IFT57: variants seen among roughly 807,000 people sequenced by gnomAD.
IFT57 encodes the protein intraflagellar transport protein 57 homolog.
A neutral mutation model predicts 56.8 loss-of-function variants in IFT57; 59 were observed. That is an observed-to-expected ratio of 1.04 (90% confidence interval 0.84 to 1.29). The LOEUF is 1.29. IFT57 is among the 50% of genes most tolerant of loss of function. The pLI, the probability that IFT57 is intolerant of heterozygous loss-of-function variation, is 0.00. For missense variants in IFT57, 470 were observed against 522.1 expected, an observed-to-expected ratio of 0.90 and a Z score of 0.97; for synonymous variants, 209 against 186.1, an observed-to-expected ratio of 1.12 and a Z score of -1.00.
At chr3:108,166,411 T>C (rs1207854470) in intron 8 of IFT57, among the ~76,000 whole-genome samples, 1 of 152,116 alleles carries the variant, frequency 6.6e-6, no homozygotes, top group African/African-American at 2.4e-5. Context: ...TGTCTCTGAA[T>C]GTATCTTGCT....
chr3:108,181,891 C>T (rs773908205), intron 6 of IFT57, among the ~76,000 whole-genome samples: 17 of 151,934 alleles, frequency 1.1e-4, no homozygotes, highest in Non-Finnish European at 1.9e-4. Context: ...CTTTAAATTA[C>T]GTGAATATTT....
At chr3:108,169,499 A>G (rs1577047100) in intron 6 of IFT57, among the ~76,000 whole-genome samples, 2 of 151,956 alleles carry the variant, frequency 1.3e-5, no homozygotes, top group African/African-American at 4.8e-5. Context: ...ATTAGAGGCC[A>G]TTTGTCAATT....
chr3:108,209,061 A>G (rs2080328983), intron 4 of IFT57, among the ~76,000 whole-genome samples: 1 of 152,230 alleles, frequency 6.6e-6, no homozygotes, highest in South Asian at 2.1e-4. Flanking sequence ...GGCAAGGGGA[A>G]TACAGAATAG....
At chr3:108,171,713 T>C (rs968604966) in intron 6 of IFT57, among the ~76,000 whole-genome samples, 1 of 151,738 alleles carries the variant, frequency 6.6e-6, no homozygotes, top group Non-Finnish European at 1.5e-5. Flanking sequence ...TGGTTGAGCC[T>C]CAAAATGGAA....
At position 108,161,713 on chromosome 3, in the gene IFT57, T is replaced by C. The variant is rs903462002; in HGVS notation, c.*764A>G. 7 of 152,120 alleles carry C rather than the reference T, an allele frequency of 4.6e-5. No individual in the cohort carries two copies. Among genetic ancestry groups the C allele is most frequent in the East Asian group, 1.9e-4 (1 of 5,190 alleles). 9.4% of individuals were successfully genotyped at this position (152,120 alleles called of 1,614,324 possible). A position where few individuals can be genotyped will look rare whatever the true frequency, so the allele number is the denominator to read the frequency against. On this transcript the variant is annotated 3_prime_UTR_variant, in exon 11 of 11. Transcript: ENST00000264538. ...CATCAGTACTAGAGGCTGATCTTCATGCGACCTGTCATCGTTCCTTCTTCT... is the reference window on the plus strand; with the variant it reads ...CATCAGTACTAGAGGCTGATCTTCACGCGACCTGTCATCGTTCCTTCTTCT...
intron 5 of IFT57, among the ~76,000 whole-genome samples, chr3:108,197,728 T>C (rs2080251243): frequency 6.6e-6 from 1 of 152,168 alleles, no homozygotes; most frequent in African/African-American, 2.4e-5. Flanking sequence ...AAAAGGGAAC[T>C]AAGTTGTCTT....
chr3:108,173,997 AGTGTGTGTGTGTGT>A (rs34537693), intron 6 of IFT57, among the ~76,000 whole-genome samples: 41 of 100,758 alleles, frequency 4.1e-4, no homozygotes, highest in South Asian at 1.6e-3. Flanking sequence ...CATATATTTG[AGTGTGTGTGTGTGT>A]GTGTGTGTGT....
chr3:108,205,910 TAA>T (rs1405266569), intron 5 of IFT57, among the ~76,000 whole-genome samples: 1 of 128,302 alleles, frequency 7.8e-6, no homozygotes, highest in Non-Finnish European at 1.6e-5. Flanking sequence ...AATTATATAT[TAA>T]TATATATTAT....
At chr3:108,187,952 T>A (rs111355739) in intron 6 of IFT57, among the ~76,000 whole-genome samples, 13,366 of 151,724 alleles carry the variant, frequency 0.088, 618 homozygotes, top group Middle Eastern at 0.12. Flanking sequence ...GTTTTTTTTT[T>A]TTATACTTTA....
intron 6 of IFT57, among the ~76,000 whole-genome samples, chr3:108,188,673 A>C (rs1452304019): frequency 6.6e-6 from 1 of 152,228 alleles, no homozygotes; most frequent in Non-Finnish European, 1.5e-5. Context: ...CATGAGAATA[A>C]GGGTCTAACT....
chr3:108,184,682 A>G (rs1240232360), intron 6 of IFT57, among the ~76,000 whole-genome samples: 1 of 152,158 alleles, frequency 6.6e-6, no homozygotes, highest in Admixed American at 6.5e-5. Context: ...TACTACTATA[A>G]TAATTTTGTA....
At chr3:108,210,354 G>C (rs1426420069) in intron 4 of IFT57, among the ~76,000 whole-genome samples, 1 of 82,100 alleles carries the variant, frequency 1.2e-5, no homozygotes, top group Non-Finnish European at 2.8e-5. Flanking sequence ...TTTTTTTTGA[G>C]ACAGAGTCTC....
At chr3:108,184,369 T>A (rs68147515) in intron 6 of IFT57, among the ~76,000 whole-genome samples, 37,068 of 151,882 alleles carry the variant, frequency 0.24, 5,948 homozygotes, top group Non-Finnish European at 0.34. Flanking sequence ...TACAAAAAAA[T>A]TTTCTAGAGA....
intron 5 of IFT57, among the ~76,000 whole-genome samples, chr3:108,193,155 AATGAAAGCTCATTGG>A (rs2080225381): frequency 6.6e-6 from 1 of 152,226 alleles, no homozygotes; most frequent in Non-Finnish European, 1.5e-5. Flanking sequence ...ACATTTCTTA[AATGAAAGCTCATTGG>A]ATTAGTCTTT....
intron 6 of IFT57, among the ~76,000 whole-genome samples, chr3:108,182,724 A>G (rs757605314): frequency 1.2e-4 from 19 of 152,152 alleles, no homozygotes; most frequent in Non-Finnish European, 2.1e-4. Flanking sequence ...AAGGTTTGAG[A>G]TAATTAGAAA....
chr3:108,178,148 T>G (rs895285199), intron 6 of IFT57, among the ~76,000 whole-genome samples: 1 of 151,878 alleles, frequency 6.6e-6, no homozygotes, highest in Non-Finnish European at 1.5e-5. Flanking sequence ...CACACATACA[T>G]GCTCACTTGA....
At chr3:108,169,420 TC>T (rs2080080999) in intron 6 of IFT57, among the ~76,000 whole-genome samples, 1 of 151,998 alleles carries the variant, frequency 6.6e-6, no homozygotes, top group Admixed American at 6.6e-5. Context: ...AAAAATTTTC[TC>T]CCATTCTCTA....
Position 108,218,559 on chromosome 3 carries a change from T to C in IFT57, c.470A>G (p.Lys157Arg). 6.4e-7 allele frequency: 1 copy of C among 1,553,202 alleles called. No homozygotes were observed. Among genetic ancestry groups the C allele is most frequent in the South Asian group, 1.2e-5 (1 of 81,722 alleles). ...VLDCFAEEALKYIGFTWKRPI... is the reference protein window; with the variant it reads ...VLDCFAEEALRYIGFTWKRPI... ...CCTTTTCCAGGTGAAACCAATATAT[T>C]TCAATGCTTCTTCAGCGAAGCAATC... Residue 157 changes from lysine (K) to arginine (R), a missense_variant, in exon 3 of 11, where the codon AAA (lysine) becomes AGA (arginine). By Grantham distance (26) the Lys-to-Arg change is conservative. Transcript: ENST00000264538.
chr3:108,167,224 C>T (rs1248475614), intron 7 of IFT57: 1 of 408,258 alleles, frequency 2.4e-6, no homozygotes, highest in Admixed American at 4.2e-5. Context: ...TGTCATTATA[C>T]ATACCATAAA....
Sources: allele counts gnomAD v4.1 joint callset (sites outside exome capture counted in the v4.1 genomes callset), GRCh38; gene constraint gnomAD v4.1.1; transcripts MANE v1.5; gene names NCBI Gene and HGNC (gene_info 2026-07-23, HGNC 2026-07-21).